Variants in AOPEP observed in about 807,000 individuals in gnomAD.
AOPEP encodes aminopeptidase O (putative), also known as aminopeptidase O.
AOPEP carries 77 observed loss-of-function variants against 98.1 expected under a neutral mutation model. The ratio of observed to expected loss-of-function variants is 0.78; its 90% CI spans 0.65 to 0.95. The LOEUF (loss-of-function observed/expected upper bound fraction) is 0.95, where lower values mean the gene tolerates loss of function less well. AOPEP is among the 40% of genes least tolerant of loss of function. The pLI is 0.00. For missense variants in AOPEP, 1,024 were observed against 1,024.7 expected, an observed-to-expected ratio of 1.00 and a Z score of 0.01; for synonymous variants, 346 against 365.3, an observed-to-expected ratio of 0.95 and a Z score of 0.60.
chr9:94,862,231 T>C (rs1211408677), intron 5 of AOPEP, among the ~76,000 whole-genome samples: 1 of 152,158 alleles, frequency 6.6e-6, no homozygotes, highest in Non-Finnish European at 1.5e-5. Flanking sequence ...TCAAAGTCAC[T>C]GGGCTGGCTG....
chr9:94,831,869 A>G (rs1459452350), intron 5 of AOPEP, among the ~76,000 whole-genome samples: 1 of 152,134 alleles, frequency 6.6e-6, no homozygotes, highest in African/African-American at 2.4e-5. Context: ...CAAGGAAATC[A>G]GAGAGGACAC....
chr9:94,931,482 C>T (rs367678014), intron 7 of AOPEP, among the ~76,000 whole-genome samples: 31 of 152,078 alleles, frequency 2.0e-4, no homozygotes, highest in African/African-American at 6.8e-4. Flanking sequence ...TCGTTTACTC[C>T]CATCCCCTAG....
the AOPEP span, among the ~76,000 whole-genome samples, chr9:95,107,779 T>C: frequency 1.3e-5 from 2 of 152,122 alleles, no homozygotes; most frequent in Non-Finnish European, 2.9e-5. Flanking sequence ...AGCACGGTCA[T>C]ACACACATGC....
chr9:95,081,417 C>T (rs2069754746), intron 15 of AOPEP, among the ~76,000 whole-genome samples: 1 of 152,210 alleles, frequency 6.6e-6, no homozygotes, highest in African/African-American at 2.4e-5. Context: ...TCTCCACCCC[C>T]TCTGCCTCTG....
At chr9:94,841,134 C>G (rs2042214324) in intron 5 of AOPEP, among the ~76,000 whole-genome samples, 1 of 150,690 alleles carries the variant, frequency 6.6e-6, no homozygotes, top group South Asian at 2.1e-4. Flanking sequence ...TGACATAAAT[C>G]TCCTTTAAGC....
the AOPEP span, chr9:95,100,759 T>C: frequency 1.3e-5 from 3 of 225,712 alleles, no homozygotes; most frequent in African/African-American, 4.4e-5. Context: ...GCCTCTTGAA[T>C]AGCTGGGATT....
Position 95,005,492 on chromosome 9 carries a change from C to G in AOPEP, c.2041-50C>G, listed in dbSNP as rs200133581. The G allele has an allele frequency of 1.6e-5, 24 of 1,518,736 alleles. No homozygotes were observed. In the South Asian group the frequency reaches 2.7e-4, roughly 17 times the overall value. The allele number at this position is 1,518,736 out of a possible 1,614,324, so 94.1% of individuals were successfully genotyped here. A position where few individuals can be genotyped will look rare whatever the true frequency, so the allele number is the denominator to read the frequency against. ...CTGCTTTCTCGCGCTGGGGGATGGC[C>G]GTCAGGACCCTGTCGCCTTCTTTGA... On this transcript the variant is annotated intron_variant, in intron 12 of 16. Coordinates refer to ENST00000375315, the MANE Select transcript of AOPEP (RefSeq NM_001193329.3).
chr9:94,765,534 C>T (rs535061455), intron 2 of AOPEP, among the ~76,000 whole-genome samples: 14 of 149,940 alleles, frequency 9.3e-5, no homozygotes, highest in East Asian at 7.9e-4. Context: ...CCAGGGAGGT[C>T]GAGGCTGCAG....
At chr9:94,887,213 T>G in intron 5 of AOPEP, among the ~76,000 whole-genome samples, 1 of 151,830 alleles carries the variant, frequency 6.6e-6, no homozygotes, top group East Asian at 1.9e-4. Flanking sequence ...TCAAGTATGG[T>G]GGCATGCACC....
chr9:95,123,123 G>A, the AOPEP span, among the ~76,000 whole-genome samples: 1 of 152,020 alleles, frequency 6.6e-6, no homozygotes, highest in African/African-American at 2.4e-5. Context: ...GCAACAGAGA[G>A]ACTCTATCTC....
chr9:94,812,395 G>A (rs954001548), intron 5 of AOPEP, among the ~76,000 whole-genome samples: 1 of 152,074 alleles, frequency 6.6e-6, no homozygotes, highest in African/African-American at 2.4e-5. Context: ...CCCAGAATCC[G>A]GAAGTCTTCC....
At chr9:94,796,823 C>A (rs1847045146) in intron 4 of AOPEP, among the ~76,000 whole-genome samples, 1 of 152,232 alleles carries the variant, frequency 6.6e-6, no homozygotes, top group Non-Finnish European at 1.5e-5. Flanking sequence ...TTTTATTCAG[C>A]TGTAGTATAA....
intron 1 of AOPEP, among the ~76,000 whole-genome samples, chr9:94,757,955 C>T (rs1275519354): frequency 6.6e-6 from 1 of 152,228 alleles, no homozygotes; most frequent in Non-Finnish European, 1.5e-5. Flanking sequence ...TGGCTTATCC[C>T]CTGTGCTCAT....
In AOPEP at chr9:94,808,411, C is replaced by A. The variant is rs181892324; in HGVS notation, c.1364+7409C>A. 1.5e-3 allele frequency among the ~76,000 whole-genome samples: 231 copies of A among 152,036 alleles called. 1 individual carries two copies. The highest frequency in any genetic ancestry group is 5.3e-3 in the African/African-American group (220 of 41,512). On this transcript the variant is annotated intron_variant, in intron 5 of 16. Transcript: ENST00000375315. The stretch of plus-strand genomic sequence containing the variant: ...ACAGATGTGAGGGGGATGCCCCCTT[C>A]AAAAATGGATTACTTTTTTTTAAAA...
At chr9:94,846,787 GTGT>G (rs2042914274) in intron 5 of AOPEP, among the ~76,000 whole-genome samples, 1 of 152,184 alleles carries the variant, frequency 6.6e-6, no homozygotes, top group African/African-American at 2.4e-5. Flanking sequence ...GTGTGTACAT[GTGT>G]TCTCAGCTAC....
the AOPEP span, among the ~76,000 whole-genome samples, chr9:95,108,522 AC>A: frequency 1.3e-5 from 2 of 152,244 alleles, no homozygotes; most frequent in Non-Finnish European, 2.9e-5. Flanking sequence ...TCTGGCCCAG[AC>A]TGTCTTTCCC....
At chr9:95,031,897 A>G (rs1417871786) in intron 13 of AOPEP, among the ~76,000 whole-genome samples, 1 of 152,106 alleles carries the variant, frequency 6.6e-6, no homozygotes, top group Non-Finnish European at 1.5e-5. Context: ...AGGGGCTTTG[A>G]TGTTGCAGAG....
chr9:94,749,850 A>C (rs1405509826), intron 1 of AOPEP, among the ~76,000 whole-genome samples: 2 of 152,116 alleles, frequency 1.3e-5, no homozygotes, highest in Non-Finnish European at 2.9e-5. Context: ...GGTCCATTCA[A>C]GTTGGTCTCT....
intron 5 of AOPEP, among the ~76,000 whole-genome samples, chr9:94,884,594 T>A (rs2047966724): frequency 6.6e-6 from 1 of 152,164 alleles, no homozygotes; most frequent in African/African-American, 2.4e-5. Context: ...GTTAACTGTG[T>A]GATAGAAGTT....
Sources: allele counts gnomAD v4.1 joint callset (sites outside exome capture counted in the v4.1 genomes callset), GRCh38; gene constraint gnomAD v4.1.1; transcripts MANE v1.5; gene names NCBI Gene and HGNC (gene_info 2026-07-23, HGNC 2026-07-21).